Variants in HPN observed in about 807,000 individuals in gnomAD.
HPN encodes the protein serine protease hepsin.
A neutral mutation model predicts 55.9 loss-of-function variants in HPN; 13 were observed. The observed-to-expected ratio is 0.23, with a 90% CI of 0.15 to 0.37. The LOEUF (loss-of-function observed/expected upper bound fraction) is 0.37, where lower values mean the gene tolerates loss of function less well. Ranked by LOEUF, HPN falls within the 10% of genes least tolerant of loss-of-function variation. The pLI, the probability that HPN is intolerant of heterozygous loss-of-function variation, is 1.00. For missense variants in HPN, 451 were observed against 575.8 expected, an observed-to-expected ratio of 0.78 and a Z score of 2.22; for synonymous variants, 225 against 240.3, an observed-to-expected ratio of 0.94 and a Z score of 0.59.
At position 35,046,105 on chromosome 19, in the gene HPN, C is replaced by T. The variant is rs371036729; in HGVS notation, c.17-3185C>T. Among the ~76,000 whole-genome samples the T allele has an allele frequency of 5.9e-5, 9 of 152,266 alleles. No homozygotes were observed. The East Asian group carries it at 1.5e-3, about 26-fold the overall frequency. On this transcript the variant is annotated intron_variant, in intron 2 of 12. Coordinates refer to ENST00000672452, the MANE Select transcript of HPN (RefSeq NM_001384133.1). ...CTGGAACCTGGAGAGTGGTCCTGGG[C>T]AGAGTTGGGGGGCAGGCCTGAGAAC...
At chr19:35,049,719 C>G (rs1306707645) in intron 4 of HPN, among the ~76,000 whole-genome samples, 1 of 152,102 alleles carries the variant, frequency 6.6e-6, no homozygotes, top group East Asian at 1.9e-4. Context: ...TTTTCAGACA[C>G]CAGTGTATTA....
intron 4 of HPN, among the ~76,000 whole-genome samples, chr19:35,053,790 C>A (rs1249064909): frequency 6.6e-6 from 1 of 151,854 alleles, no homozygotes; most frequent in African/African-American, 2.4e-5. Context: ...ATCCGCCCCC[C>A]TCCCCGCCCC....
chr19:35,054,897 G>T (rs913687928), intron 4 of HPN, among the ~76,000 whole-genome samples: 5 of 152,166 alleles, frequency 3.3e-5, no homozygotes, highest in Non-Finnish European at 7.3e-5. Flanking sequence ...GCTGTGGGAA[G>T]ACCCCTCAGC....
At position 35,059,718 on chromosome 19, in the gene HPN, C is replaced by T. The variant is rs774146960; in HGVS notation, c.206C>T (p.Thr69Met). The T allele has an allele frequency of 6.2e-6, 10 of 1,600,036 alleles. No homozygotes were observed. The highest frequency in any genetic ancestry group is 4.5e-5 in the East Asian group (2 of 44,410). The stretch of plus-strand genomic sequence containing the variant: ...GCTCGGCTCATGGTCTTTGACAAGA[C>T]GGAAGGGACGTGGCGGCTGCTGTGC... The part of the protein sequence containing the change: ...ADARLMVFDK[T>M]EGTWRLLCSS... The change falls in exon 5 of 13, where the codon ACG (threonine) becomes ATG (methionine). Residue 69 changes from threonine to methionine, a missense_variant. Thr to Met is a moderately conservative substitution (Grantham distance 81, BLOSUM62 -1). Transcript: ENST00000672452.
upstream of HPN, among the ~76,000 whole-genome samples, chr19:35,041,188 G>A (rs1568353345): frequency 6.6e-6 from 1 of 152,190 alleles, no homozygotes; most frequent in South Asian, 2.1e-4. Context: ...AGAGGTCACC[G>A]CGGCCGGGCG....
At chr19:35,041,948 T>A (rs1426779315) in intron 1 of HPN, 76 bp downstream of exon 1, 21 of 1,243,836 alleles carry the variant, frequency 1.7e-5, no homozygotes, top group Non-Finnish European at 2.1e-5. Flanking sequence ...CCCAGCCTAA[T>A]GCCCACCTCC....
At chr19:35,059,441 C>T in intron 4 of HPN, 3 of 666,232 alleles carry the variant, frequency 4.5e-6, no homozygotes, top group Non-Finnish European at 5.5e-6. Context: ...AAGATCACAC[C>T]ACTACACTCC....
chr19:35,043,861 G>A (rs564116909), intron 2 of HPN, among the ~76,000 whole-genome samples: 85 of 152,256 alleles, frequency 5.6e-4, no homozygotes, highest in Non-Finnish European at 1.1e-3. Context: ...GAAAATGCCC[G>A]AATGGACAGA....
chr19:35,062,944 C>T (rs2064553791), intron 9 of HPN, among the ~76,000 whole-genome samples: 1 of 152,044 alleles, frequency 6.6e-6, no homozygotes, highest in Middle Eastern at 3.2e-3. Flanking sequence ...GAGTAGTATT[C>T]GAGTTCATGA....
chr19:35,057,750 G>A (rs992238636), intron 4 of HPN, among the ~76,000 whole-genome samples: 2 of 152,108 alleles, frequency 1.3e-5, no homozygotes, highest in Non-Finnish European at 2.9e-5. Flanking sequence ...CACACACAAA[G>A]GGTAGTGCAT....
intron 9 of HPN, among the ~76,000 whole-genome samples, chr19:35,062,848 A>C (rs1000598324): frequency 6.6e-6 from 1 of 152,132 alleles, no homozygotes; most frequent in African/African-American, 2.4e-5. Context: ...ACACCACTGC[A>C]TTCCAGCCTG....
At chr19:35,052,556 G>T (rs760103062) in intron 4 of HPN, among the ~76,000 whole-genome samples, 27 of 135,994 alleles carry the variant, frequency 2.0e-4, no homozygotes, top group Non-Finnish European at 3.5e-4. Context: ...AAAAAAAAAA[G>T]GCTGTGCAGT....
chr19:35,046,901 TC>T (rs1222850533), intron 2 of HPN, among the ~76,000 whole-genome samples: 1 of 152,126 alleles, frequency 6.6e-6, no homozygotes, highest in Admixed American at 6.5e-5. Context: ...CGATCTCGGC[TC>T]ACTGCAAGCT....
chr19:35,058,243 G>A (rs1446143108), intron 4 of HPN, among the ~76,000 whole-genome samples: 2 of 150,322 alleles, frequency 1.3e-5, no homozygotes, highest in Non-Finnish European at 3.0e-5. Flanking sequence ...GCAGTGGCAC[G>A]ATCTTGGCTC....
At chr19:35,048,131 G>T (rs1225569501) in intron 2 of HPN, among the ~76,000 whole-genome samples, 1 of 152,126 alleles carries the variant, frequency 6.6e-6, no homozygotes, top group East Asian at 1.9e-4. Context: ...GGCTCAGAGA[G>T]GGGAGGGGAG....
At chr19:35,049,180 C>T (rs2151756454) in intron 2 of HPN, 110 bp from the exon 3 acceptor site, 2 of 694,092 alleles carry the variant, frequency 2.9e-6, no homozygotes, top group East Asian at 5.9e-5. Context: ...GGAGGACATG[C>T]TTGGGCATAA....
upstream of HPN, chr19:35,041,621 G>A (rs893957382): frequency 1.7e-6 from 2 of 1,154,588 alleles, no homozygotes; most frequent in East Asian, 8.7e-5. Flanking sequence ...GCCCCCACAA[G>A]CCCGGCCCCA....
At position 35,066,005 on chromosome 19, in the gene HPN, C is replaced by A; in HGVS notation, c.1188C>A (p.Phe396Leu). Residue 396 changes from phenylalanine (F) to leucine (L), a missense_variant, in exon 12 of 13, where the codon TTC (phenylalanine) becomes TTA (leucine). This residue lies in a region of HPN where 73 missense variants were observed against 130.3 expected (regional missense o/e 0.56). Transcript: ENST00000672452. ...GCGTCTACACCAAAGTCAGTGACTT[C>A]CGGGAGTGGATCTTCCAGGCCATAA... ...KPGVYTKVSD[F>L]REWIFQAIKT... The A allele has an allele frequency of 1.2e-6, 2 of 1,612,060 alleles. No individual in the cohort carries two copies. Among genetic ancestry groups the A allele is most frequent in the Non-Finnish European group, 8.5e-7 (1 of 1,180,040 alleles).
At chr19:35,049,119 G>A (rs113512574) in intron 2 of HPN, among the ~76,000 whole-genome samples, 171 bp from the exon 3 acceptor site, 1 of 152,174 alleles carries the variant, frequency 6.6e-6, no homozygotes, top group Non-Finnish European at 1.5e-5. Flanking sequence ...TGTTCACACG[G>A]CAGGGGAGGA....
Sources: gnomAD v4.1 joint callset for allele counts (sites outside exome capture counted in the v4.1 genomes callset) on GRCh38, gnomAD v4.1.1 for gene constraint, gnomAD v4.1.1 regional missense constraint, MANE v1.5 for transcripts, NCBI Gene and HGNC (gene_info 2026-07-23, HGNC 2026-07-21) for gene names.